Variants in TTC29 observed in about 807,000 individuals in gnomAD.
TTC29 encodes tetratricopeptide repeat domain 29.
In TTC29, 49 loss-of-function variants were observed where a neutral mutation model predicts 58.1. The observed-to-expected ratio is 0.84, with a 90% CI of 0.67 to 1.07. TTC29 has a LOEUF of 1.07. Among genes scored for constraint, TTC29 ranks in the 50% least tolerant of loss-of-function variants. The probability of loss-of-function intolerance (pLI) is 0.00; values close to 1 mark genes in which losing one functional copy is unlikely to be tolerated. For synonymous variants in TTC29, 209 were observed against 196.8 expected (o/e 1.06, Z -0.52); for missense variants, 582 against 555.6 (o/e 1.05, Z -0.48).
intron 9 of TTC29, among the ~76,000 whole-genome samples, chr4:146,826,273 C>T (rs1420740862): frequency 6.6e-6 from 1 of 152,044 alleles, no homozygotes; most frequent in African/African-American, 2.4e-5. Flanking sequence ...ATATTTAGTG[C>T]TTCTTTCAGG....
chr4:146,743,233 T>C (rs1351807706), intron 11 of TTC29, among the ~76,000 whole-genome samples: 1 of 152,144 alleles, frequency 6.6e-6, no homozygotes, highest in Non-Finnish European at 1.5e-5. Context: ...ATGCAATACA[T>C]AATTAATTTC....
At chr4:146,730,456 G>T (rs896596925) in intron 11 of TTC29, among the ~76,000 whole-genome samples, 2 of 152,242 alleles carry the variant, frequency 1.3e-5, no homozygotes, top group African/African-American at 2.4e-5. Flanking sequence ...TTAGTGCATA[G>T]ATAATATTTA....
intron 4 of TTC29, among the ~76,000 whole-genome samples, chr4:146,915,708 A>T (rs1279520986): frequency 6.6e-6 from 1 of 152,074 alleles, no homozygotes; most frequent in African/African-American, 2.4e-5. Context: ...ATAAGTTATT[A>T]GGTGAATTTT....
chr4:146,795,395 G>A (rs1428360233), intron 11 of TTC29, among the ~76,000 whole-genome samples: 2 of 152,108 alleles, frequency 1.3e-5, no homozygotes, highest in Non-Finnish European at 2.9e-5. Flanking sequence ...CCCATCACCA[G>A]GAGGCAGACA....
At chr4:146,750,351 A>G (rs999228177) in intron 11 of TTC29, among the ~76,000 whole-genome samples, 6 of 152,216 alleles carry the variant, frequency 3.9e-5, no homozygotes, top group Admixed American at 1.3e-4. Flanking sequence ...TCATGCCGAA[A>G]GGAAAATATA....
At chr4:146,925,108 ATTTGT>A (rs916888639) in intron 4 of TTC29, among the ~76,000 whole-genome samples, 23 of 152,154 alleles carry the variant, frequency 1.5e-4, no homozygotes, top group African/African-American at 5.3e-4. Flanking sequence ...ACATGTTAAA[ATTTGT>A]TTTATGGCCC....
At chr4:146,796,992 TA>T (rs749666892) in intron 11 of TTC29, among the ~76,000 whole-genome samples, 3 of 151,984 alleles carry the variant, frequency 2.0e-5, no homozygotes, top group Non-Finnish European at 2.9e-5. Context: ...AAAGTTTGTG[TA>T]ATCTAAGAAA....
chr4:146,721,000 A>G (rs1303901593), intron 11 of TTC29, among the ~76,000 whole-genome samples: 1 of 152,130 alleles, frequency 6.6e-6, no homozygotes, highest in Non-Finnish European at 1.5e-5. Flanking sequence ...TCAGAGGTAC[A>G]TGGCTGAGGA....
At chr4:146,813,425 T>C (rs1301777236) in intron 10 of TTC29, among the ~76,000 whole-genome samples, 1 of 152,216 alleles carries the variant, frequency 6.6e-6, no homozygotes, top group African/African-American at 2.4e-5. Context: ...TTTTCTATGA[T>C]TACATAGTAA....
intron 7 of TTC29, among the ~76,000 whole-genome samples, chr4:146,868,261 T>C (rs1261982583): frequency 1.3e-5 from 2 of 152,018 alleles, no homozygotes; most frequent in Admixed American, 6.6e-5. Flanking sequence ...TTAGGAGATA[T>C]ACCTAATGTT....
At chr4:146,862,825 G>A (rs1467269550) in intron 8 of TTC29, among the ~76,000 whole-genome samples, 1 of 152,100 alleles carries the variant, frequency 6.6e-6, no homozygotes, top group African/African-American at 2.4e-5. Context: ...TAAATAACAA[G>A]AACCAACTAA....
At chr4:146,805,721 G>C (rs555975969) in intron 10 of TTC29, among the ~76,000 whole-genome samples, 1 of 152,156 alleles carries the variant, frequency 6.6e-6, no homozygotes, top group Admixed American at 6.5e-5. Flanking sequence ...AAGCCTCCAA[G>C]AAATATGGGA....
At chr4:146,781,146 A>G (rs1488431187) in intron 11 of TTC29, among the ~76,000 whole-genome samples, 1 of 152,024 alleles carries the variant, frequency 6.6e-6, no homozygotes, top group Non-Finnish European at 1.5e-5. Flanking sequence ...AAATAAGTAT[A>G]TATTCAGAAA....
At position 146,903,675 on chromosome 4, in the gene TTC29, T is replaced by C; in HGVS notation, c.455A>G (p.Asn152Ser). 1 of 1,612,796 alleles carries C rather than the reference T, an allele frequency of 6.2e-7. No individual in the cohort carries two copies. The highest frequency in any genetic ancestry group is 8.5e-7 in the Non-Finnish European group (1 of 1,179,366). Residue 152 changes from asparagine to serine, a missense_variant, in exon 6 of 13, where the codon AAT becomes AGT. By Grantham distance (46) the Asn-to-Ser change is conservative. Transcript: ENST00000325106. ...GTTCCTTACCCACTTGTCTTCAGAA[T>C]TATTGAAGTAACAGGCCAGAGCATA... is the stretch of plus-strand genomic sequence containing the variant. ...NLYALACYFN[N>S]SEDKWVRNHF...
At position 146,741,925 on chromosome 4, in the gene TTC29, C is replaced by T. The variant is rs186100069; in HGVS notation, c.1331-34374G>A. 2.0e-5 allele frequency among the ~76,000 whole-genome samples: 3 copies of T among 152,310 alleles called. No individual in the cohort carries two copies. In the East Asian group the frequency reaches 5.8e-4, roughly 29 times the overall value. ...TTTAGAACTTATCAGATTCTACTAGCCCTTCAGCCAAGGAACTTTATCACA... is the reference window on the plus strand; with the variant it reads ...TTTAGAACTTATCAGATTCTACTAGTCCTTCAGCCAAGGAACTTTATCACA... On this transcript the variant is annotated intron_variant, in intron 11 of 12. Transcript: ENST00000325106.
chr4:146,925,651 G>C, intron 4 of TTC29, among the ~76,000 whole-genome samples: 1 of 152,062 alleles, frequency 6.6e-6, no homozygotes, highest in East Asian at 1.9e-4. Flanking sequence ...TAACTTTTGA[G>C]AAAACAATTC....
chr4:146,901,420 G>A lies in TTC29; in HGVS notation c.586+2124C>T, dbSNP rs945027594. Among the ~76,000 whole-genome samples the A allele has an allele frequency of 3.9e-5, 6 of 152,106 alleles. 1 individual carries two copies. Among genetic ancestry groups the A allele is most frequent in the African/African-American group, 1.4e-4 (6 of 41,402 alleles). ...TATTTTTCTATTTAAGGTATCAGGA[G>A]CATTTTCTGAAATTAACACGTATTT... On this transcript the variant is annotated intron_variant, in intron 6 of 12. Transcript: ENST00000325106.
intron 2 of TTC29, chr4:146,942,580 T>C (rs763657395): frequency 2.0e-5 from 31 of 1,530,258 alleles, no homozygotes; most frequent in Non-Finnish European, 2.7e-5. Context: ...TCCCAAGAGC[T>C]TACTTCAGAG....
intron 7 of TTC29, among the ~76,000 whole-genome samples, chr4:146,870,369 G>T (rs764453979): frequency 3.4e-4 from 52 of 151,834 alleles, no homozygotes; most frequent in Admixed American, 1.6e-3. Flanking sequence ...TGCATAGAGG[G>T]ACATTTATAG....
Sources: allele counts gnomAD v4.1 joint callset (sites outside exome capture counted in the v4.1 genomes callset), GRCh38; gene constraint gnomAD v4.1.1; transcripts MANE v1.5; gene names NCBI Gene and HGNC (gene_info 2026-07-23, HGNC 2026-07-21).